KIAA1217: variants seen among roughly 807,000 people sequenced by gnomAD.
KIAA1217 encodes sickle tail protein homolog.
A neutral mutation model predicts 163.9 loss-of-function variants in KIAA1217; 88 were observed. The ratio of observed to expected loss-of-function variants is 0.54; its 90% CI spans 0.45 to 0.64. The LOEUF is 0.64. Among genes scored for constraint, KIAA1217 ranks in the 30% least tolerant of loss-of-function variants. The pLI is 0.00. For missense variants in KIAA1217, 2,372 were observed against 2,475.0 expected, an observed-to-expected ratio of 0.96 and a Z score of 0.88; for synonymous variants, 903 against 923.1, an observed-to-expected ratio of 0.98 and a Z score of 0.39.
At position 24,501,590 on chromosome 10, in the gene KIAA1217, C is replaced by G. The variant is rs79405003; in HGVS notation, c.2001+45C>G. 8.3e-3 allele frequency: 12,917 copies of G among 1,562,832 alleles called. 384 individuals are homozygous for G. The East Asian group carries it at 0.1, about 12-fold the overall frequency. On this transcript the variant is annotated intron_variant, in intron 9 of 20. Coordinates refer to ENST00000376454, the MANE Select transcript of KIAA1217 (RefSeq NM_019590.5). ...GCCTCTGTCTCGGTTGCCCTGAGCTCTTCCTACCTTCCTTTTCCTAGGGGC... is the reference window on the plus strand; with the variant it reads ...GCCTCTGTCTCGGTTGCCCTGAGCTGTTCCTACCTTCCTTTTCCTAGGGGC...
chr10:24,524,899 G>A, intron 13 of KIAA1217, 135 bp downstream of exon 13: 2 of 830,246 alleles, frequency 2.4e-6, no homozygotes, highest in Non-Finnish European at 3.7e-6. Context: ...GTGGAAGTGG[G>A]ATTCAGTGGC....
chr10:23,759,418 G>A (rs918514471), intron 1 of KIAA1217, among the ~76,000 whole-genome samples: 14 of 151,916 alleles, frequency 9.2e-5, no homozygotes, highest in Non-Finnish European at 1.6e-4. Flanking sequence ...CTTGCCTATC[G>A]GCTCTGGCTA....
At chr10:24,312,433 T>TCA (rs2042822120) in intron 2 of KIAA1217, among the ~76,000 whole-genome samples, 1 of 151,788 alleles carries the variant, frequency 6.6e-6, no homozygotes, top group Admixed American at 6.6e-5. Context: ...CTGGGCAAGA[T>TCA]GGTAAAACCT....
intron 5 of KIAA1217, among the ~76,000 whole-genome samples, chr10:24,457,515 G>A (rs973955489): frequency 2.6e-5 from 4 of 151,988 alleles, no homozygotes; most frequent in Non-Finnish European, 4.4e-5. Context: ...CCTTCACCTC[G>A]GCCTTCAAGT....
At chr10:23,902,253 G>A (rs1368264728) in intron 1 of KIAA1217, among the ~76,000 whole-genome samples, 1 of 152,080 alleles carries the variant, frequency 6.6e-6, no homozygotes, top group Non-Finnish European at 1.5e-5. Flanking sequence ...ATTATCCTTA[G>A]CAAACTAAGG....
chr10:23,910,439 C>T (rs1564526074), intron 1 of KIAA1217, among the ~76,000 whole-genome samples: 1 of 152,190 alleles, frequency 6.6e-6, no homozygotes, highest in South Asian at 2.1e-4. Flanking sequence ...CCAAGGAAAC[C>T]TCTGCATGGC....
At chr10:23,796,387 G>A (rs1182770553) in intron 1 of KIAA1217, among the ~76,000 whole-genome samples, 3 of 142,790 alleles carry the variant, frequency 2.1e-5, no homozygotes, top group Admixed American at 1.4e-4. Flanking sequence ...TAATTGAGAC[G>A]AAGTCTCACT....
At chr10:23,754,307 G>A (rs1486915927) in intron 1 of KIAA1217, among the ~76,000 whole-genome samples, 1 of 152,214 alleles carries the variant, frequency 6.6e-6, no homozygotes, top group East Asian at 1.9e-4. Flanking sequence ...TTTAAAGACT[G>A]AAGGATCTCA....
chr10:23,917,688 A>G (rs1564531375), intron 1 of KIAA1217, among the ~76,000 whole-genome samples: 1 of 152,200 alleles, frequency 6.6e-6, no homozygotes, highest in Non-Finnish European at 1.5e-5. Flanking sequence ...CCAGGAAGGT[A>G]ACACAGGGCT....
chr10:23,766,255 T>C (rs1379279280), intron 1 of KIAA1217, among the ~76,000 whole-genome samples: 1 of 151,820 alleles, frequency 6.6e-6, no homozygotes, highest in Non-Finnish European at 1.5e-5. Context: ...GTAGAGTGGA[T>C]ACAGCAAAAA....
chr10:24,033,904 AAAAAGCT>A (rs1848289317), intron 2 of KIAA1217, among the ~76,000 whole-genome samples: 1 of 152,246 alleles, frequency 6.6e-6, no homozygotes, highest in East Asian at 1.9e-4. Flanking sequence ...CATACAGTTC[AAAAAGCT>A]GAAAATATTT....
chr10:23,753,060 G>A (rs992223060), intron 1 of KIAA1217, among the ~76,000 whole-genome samples: 1 of 152,092 alleles, frequency 6.6e-6, no homozygotes, highest in African/African-American at 2.4e-5. Flanking sequence ...TCTGCGTTTT[G>A]GTTCTTCAGT....
At chr10:23,833,926 GT>G (rs913434627) in intron 1 of KIAA1217, among the ~76,000 whole-genome samples, 38 of 151,816 alleles carry the variant, frequency 2.5e-4, no homozygotes, top group Non-Finnish European at 1.3e-4. Flanking sequence ...CATCAGTTTT[GT>G]TTCATAGTTT....
intron 2 of KIAA1217, among the ~76,000 whole-genome samples, chr10:24,152,165 GT>G (rs1489273745): frequency 6.6e-6 from 1 of 151,964 alleles, no homozygotes; most frequent in Non-Finnish European, 1.5e-5. Context: ...CTCTTTTTCT[GT>G]AGCTCAGCAT....
chr10:24,265,933 C>T (rs745728173), intron 2 of KIAA1217, among the ~76,000 whole-genome samples: 2 of 152,062 alleles, frequency 1.3e-5, no homozygotes, highest in Non-Finnish European at 2.9e-5. Context: ...AACAAAAGAA[C>T]TACACTCTAG....
intron 2 of KIAA1217, among the ~76,000 whole-genome samples, chr10:24,059,509 C>G (rs1263526303): frequency 6.6e-6 from 1 of 152,010 alleles, no homozygotes; most frequent in Non-Finnish European, 1.5e-5. Context: ...TGGTCCTGAG[C>G]TTTTGTTAAG....
chr10:23,989,446 G>C lies in KIAA1217; in HGVS notation c.-320-17779G>C, dbSNP rs188009051. On this transcript the variant is annotated intron_variant, in intron 1 of 18. Transcript: ENST00000376462. ...GAGGGACAAAGGGGTATGATCTAATGTTGATAAACTTGGGGAACTTAGCAA... is the reference window on the plus strand; with the variant it reads ...GAGGGACAAAGGGGTATGATCTAATCTTGATAAACTTGGGGAACTTAGCAA... Among the ~76,000 whole-genome samples the C allele has an allele frequency of 9.2e-5, 14 of 152,282 alleles. No homozygotes were observed. In the East Asian group the frequency reaches 2.5e-3, roughly 27 times the overall value.
intron 3 of KIAA1217, among the ~76,000 whole-genome samples, chr10:24,401,132 G>A (rs2056478096): frequency 6.6e-6 from 1 of 151,608 alleles, no homozygotes; most frequent in African/African-American, 2.4e-5. Flanking sequence ...CAAGAAGTCA[G>A]AAAGCAAGAG....
At chr10:24,311,452 A>T (rs183641340) in intron 2 of KIAA1217, among the ~76,000 whole-genome samples, 51 of 152,342 alleles carry the variant, frequency 3.3e-4, no homozygotes, top group African/African-American at 1.0e-3. Flanking sequence ...ATGTTTGGCT[A>T]CCCATTGTGT....
Sources: allele counts gnomAD v4.1 joint callset (sites outside exome capture counted in the v4.1 genomes callset), GRCh38; gene constraint gnomAD v4.1.1; transcripts MANE v1.5; gene names NCBI Gene and HGNC (gene_info 2026-07-23, HGNC 2026-07-21).